Variants in PDK3 observed in about 807,000 individuals in gnomAD.
PDK3 encodes the protein pyruvate dehydrogenase kinase, isozyme 3.
In PDK3, 12 loss-of-function variants were observed where a neutral mutation model predicts 32.0. The observed-to-expected ratio is 0.37, with a 90% CI of 0.24 to 0.61. The LOEUF is 0.61. PDK3 is among the 20% of genes least tolerant of loss of function. The pLI is 0.65. For missense variants in PDK3, 188 were observed against 316.9 expected (o/e 0.59, Z 3.09); for synonymous variants, 122 against 116.3 (o/e 1.05, Z -0.31).
intron 1 of PDK3, among the ~76,000 whole-genome samples, chrX:24,471,873 TTTC>T (rs1365864009): frequency 8.9e-6 from 1 of 112,223 alleles, no homozygotes; most frequent in Non-Finnish European, 1.9e-5. Context: ...AGTTCCCTAT[TTTC>T]TTGTTTACAT....
intron 1 of PDK3, among the ~76,000 whole-genome samples, chrX:24,485,795 C>T (rs1218096443): frequency 1.8e-5 from 2 of 111,395 alleles, no homozygotes; most frequent in Non-Finnish European, 3.8e-5. Context: ...GAGCTCTCTC[C>T]GCCAAGAGCC....
chrX:24,516,165 C>G (rs995030377), intron 5 of PDK3, among the ~76,000 whole-genome samples: 6 of 111,526 alleles, frequency 5.4e-5, no homozygotes, highest in Non-Finnish European at 1.1e-4. Context: ...ACTTTTCCCC[C>G]TTTGCTTCCT....
At chrX:24,497,267 C>G (rs1368929533) in intron 2 of PDK3, among the ~76,000 whole-genome samples, 1 of 111,114 alleles carries the variant, frequency 9.0e-6, no homozygotes, top group Non-Finnish European at 1.9e-5. Context: ...CTTATATGCC[C>G]AGAGACTTTT....
intron 1 of PDK3, among the ~76,000 whole-genome samples, chrX:24,491,725 C>T (rs1290427570): frequency 9.0e-6 from 1 of 110,839 alleles, no homozygotes; most frequent in African/African-American, 3.3e-5. Flanking sequence ...GAGGCTGAGA[C>T]GGGAGGATCG....
At position 24,481,864 on chromosome X, in the gene PDK3, A is replaced by G. The variant is rs1164839186; in HGVS notation, c.107-12878A>G. Among the ~76,000 whole-genome samples the G allele has an allele frequency of 4.5e-5, 5 of 112,107 alleles. 1 individual carries two copies. Among genetic ancestry groups the G allele is most frequent in the African/African-American group, 1.3e-4 (4 of 30,804 alleles). ...AGTTCTTTCTAGCCACATGAGAACA[A>G]ACTAATACAGAGATCATCTGTAATC... On this transcript the variant is annotated intron_variant, in intron 1 of 10. Transcript: ENST00000379162.
exon 12 of PDK3, among the ~76,000 whole-genome samples, chrX:24,542,683 A>G (rs1021633087): frequency 4.4e-5 from 5 of 112,588 alleles, no homozygotes; most frequent in Non-Finnish European, 9.4e-5. Flanking sequence ...CAAAAATGAC[A>G]GGCAACTTAA....
intron 5 of PDK3, among the ~76,000 whole-genome samples, chrX:24,518,414 C>T (rs916842934): frequency 9.0e-5 from 10 of 111,308 alleles, no homozygotes; most frequent in Non-Finnish European, 1.5e-4. Context: ...ACCTGGGAGG[C>T]GGAGGTTGCA....
intron 1 of PDK3, among the ~76,000 whole-genome samples, chrX:24,493,033 T>G (rs1921609738): frequency 9.1e-6 from 1 of 110,481 alleles, no homozygotes; most frequent in Non-Finnish European, 1.9e-5. Context: ...TCATTTTAAA[T>G]GTTAATTGCC....
At chrX:24,469,966 C>T (rs191416116) in intron 1 of PDK3, among the ~76,000 whole-genome samples, 328 of 111,608 alleles carry the variant, frequency 2.9e-3, no homozygotes, top group Non-Finnish European at 3.7e-3. Context: ...ATCCCATATA[C>T]AGTACAATTT....
At chrX:24,505,897 C>T (rs762810462) in intron 5 of PDK3, among the ~76,000 whole-genome samples, 74 of 111,601 alleles carry the variant, frequency 6.6e-4, no homozygotes, top group African/African-American at 2.2e-3. Context: ...TGGTTGTGAG[C>T]GATCCACCAG....
At chrX:24,479,797 C>CA (rs780002227) in intron 1 of PDK3, among the ~76,000 whole-genome samples, 33 of 102,613 alleles carry the variant, frequency 3.2e-4, no homozygotes, top group Non-Finnish European at 4.2e-4. Flanking sequence ...AAAAAACAAA[C>CA]AAAAAAAAAA....
chrX:24,492,518 G>A (rs1379905888), intron 1 of PDK3, among the ~76,000 whole-genome samples: 5 of 111,466 alleles, frequency 4.5e-5, no homozygotes, highest in Non-Finnish European at 9.4e-5. Context: ...GAACCTGGGG[G>A]GTGGAGGTTG....
chrX:24,510,497 G>T (rs1168418603), intron 5 of PDK3, among the ~76,000 whole-genome samples: 3 of 112,489 alleles, frequency 2.7e-5, no homozygotes, highest in Non-Finnish European at 5.6e-5. Flanking sequence ...TCATAATTTA[G>T]TGAGAACGTT....
At chrX:24,485,606 G>T (rs182633506) in intron 1 of PDK3, among the ~76,000 whole-genome samples, 163 of 111,461 alleles carry the variant, frequency 1.5e-3, no homozygotes, top group African/African-American at 5.1e-3. Context: ...CAGACAGAAG[G>T]GCCACCCTCT....
chrX:24,522,795 A>G (rs1308338715), intron 6 of PDK3, among the ~76,000 whole-genome samples: 1 of 110,132 alleles, frequency 9.1e-6, no homozygotes, highest in Non-Finnish European at 1.9e-5. Flanking sequence ...AGTCCCAGCT[A>G]CTAGGGAGGC....
chrX:24,499,008 C>A (rs770711749), intron 3 of PDK3, 108 bp downstream of exon 3: 1 of 404,759 alleles, frequency 2.5e-6, no homozygotes. Flanking sequence ...TGGACAAAAG[C>A]GTTCATTTTC....
intron 3 of PDK3, 133 bp downstream of exon 3, chrX:24,499,033 C>G (rs2148190188): frequency 3.0e-6 from 1 of 333,467 alleles, no homozygotes; most frequent in East Asian, 4.9e-5. Context: ...TGAGTAGTGA[C>G]TCAACATTGA....
chrX:24,526,998 G>T (rs774472386), intron 7 of PDK3, among the ~76,000 whole-genome samples: 1 of 112,509 alleles, frequency 8.9e-6, no homozygotes, highest in East Asian at 2.8e-4. Flanking sequence ...TGTTACTGAT[G>T]TAACGCTTTA....
chrX:24,506,793 T>C (rs1030078051), intron 5 of PDK3, among the ~76,000 whole-genome samples: 1 of 95,147 alleles, frequency 1.1e-5, no homozygotes, highest in African/African-American at 3.9e-5. Context: ...CATTTTGTTT[T>C]TTTCTTTCTT....
Sources: gnomAD v4.1 joint callset for allele counts (sites outside exome capture counted in the v4.1 genomes callset) on GRCh38, gnomAD v4.1.1 for gene constraint, MANE v1.5 for transcripts, NCBI Gene and HGNC (gene_info 2026-07-23, HGNC 2026-07-21) for gene names.